GPC6: variants seen among roughly 807,000 people sequenced by gnomAD.
GPC6 encodes glypican-6.
In GPC6, 14 loss-of-function variants were observed where a neutral mutation model predicts 55.2. That is an observed-to-expected ratio of 0.25 (90% CI 0.17 to 0.40). GPC6 has a LOEUF of 0.40. GPC6 is among the 10% of genes least tolerant of loss of function. GPC6 has a pLI of 1.00. For synonymous variants in GPC6, 278 were observed against 259.6 expected (o/e 1.07, Z -0.68); for missense variants, 641 against 708.5 (o/e 0.90, Z 1.08).
chr13:93,512,020 T>C (rs1880999860), intron 1 of GPC6, among the ~76,000 whole-genome samples: 1 of 152,116 alleles, frequency 6.6e-6, no homozygotes, highest in African/African-American at 2.4e-5. Context: ...CAAATTTTTG[T>C]ACATTGCTTT....
chr13:94,082,592 C>G (rs1885138756), intron 4 of GPC6, among the ~76,000 whole-genome samples: 1 of 152,104 alleles, frequency 6.6e-6, no homozygotes, highest in Non-Finnish European at 1.5e-5. Context: ...ACTTCACCAC[C>G]CACCTTCCGC....
intron 5 of GPC6, among the ~76,000 whole-genome samples, chr13:94,289,126 T>C (rs1342563231): frequency 2.0e-5 from 3 of 150,844 alleles, no homozygotes; most frequent in South Asian, 2.1e-4. Flanking sequence ...GCTTGTTGAA[T>C]ACATAATGAA....
chr13:94,271,382 G>GCGCACACACACA (rs1491286473), intron 4 of GPC6, among the ~76,000 whole-genome samples: 4 of 126,684 alleles, frequency 3.2e-5, no homozygotes, highest in African/African-American at 1.2e-4. Context: ...GCGCGCGCGC[G>GCGCACACACACA]CACACACACA....
chr13:93,348,516 G>C (rs139885556), intron 1 of GPC6, among the ~76,000 whole-genome samples: 1 of 152,242 alleles, frequency 6.6e-6, no homozygotes, highest in Non-Finnish European at 1.5e-5. Flanking sequence ...GAGGTTAATT[G>C]TTACCCTGCC....
At position 93,983,997 on chromosome 13, in the gene GPC6, G is replaced by A. The variant is rs1257343643; in HGVS notation, c.712-43732G>A. On this transcript the variant is annotated intron_variant, in intron 3 of 8. Coordinates refer to ENST00000377047, the MANE Select transcript of GPC6 (RefSeq NM_005708.5). ...ATTGAAAAGAAAAAAATGGTAATTT[G>A]CATCATTCTTTTGGAATTTTGAGGA... is the stretch of plus-strand genomic sequence containing the variant. Among the ~76,000 whole-genome samples, 4 of 152,190 alleles carry A rather than the reference G, an allele frequency of 2.6e-5. No homozygotes were observed. In the East Asian group the frequency reaches 7.7e-4, roughly 29 times the overall value.
intron 6 of GPC6, among the ~76,000 whole-genome samples, chr13:94,377,406 A>C (rs1208148468): frequency 7.3e-6 from 1 of 136,676 alleles, no homozygotes; most frequent in African/African-American, 2.7e-5. Flanking sequence ...GACACTTCTC[A>C]AAAGAAGACA....
At chr13:93,888,106 G>C (rs2140315366) in intron 3 of GPC6, among the ~76,000 whole-genome samples, 1 of 152,132 alleles carries the variant, frequency 6.6e-6, no homozygotes, top group Non-Finnish European at 1.5e-5. Flanking sequence ...TCTGTTCTTT[G>C]GTTTTAGGTA....
intron 2 of GPC6, among the ~76,000 whole-genome samples, chr13:93,681,344 T>G (rs138845278): frequency 6.6e-6 from 1 of 152,322 alleles, no homozygotes; most frequent in Non-Finnish European, 1.5e-5. Context: ...TTGTATTACT[T>G]TTGATAATTC....
rs1192568840 is a variant in GPC6, at chr13:93,382,429, C to T, written c.160+154813C>T. Among the ~76,000 whole-genome samples, 4 of 152,254 alleles carry T rather than the reference C, an allele frequency of 2.6e-5. No individual in the cohort carries two copies. The East Asian group carries it at 5.8e-4, about 22-fold the overall frequency. ...CAATCGATTTAATATAATTCTTCAT[C>T]ATAGTTAATGTAGACTTTTTCTCCA... is the stretch of plus-strand genomic sequence containing the variant. On this transcript the variant is annotated intron_variant, in intron 1 of 8. Coordinates refer to ENST00000377047, the MANE Select transcript of GPC6 (RefSeq NM_005708.5).
chr13:94,317,407 G>A (rs536475842), intron 6 of GPC6, among the ~76,000 whole-genome samples: 1 of 152,052 alleles, frequency 6.6e-6, no homozygotes, highest in Non-Finnish European at 1.5e-5. Flanking sequence ...AGAACAAAAG[G>A]GTAAACACAA....
At chr13:93,803,262 C>A (rs1309729592) in intron 2 of GPC6, among the ~76,000 whole-genome samples, 1 of 151,980 alleles carries the variant, frequency 6.6e-6, no homozygotes, top group African/African-American at 2.4e-5. Context: ...AATGAAAAGA[C>A]AACTCTATTG....
At chr13:93,344,280 G>A (rs1462282763) in intron 1 of GPC6, among the ~76,000 whole-genome samples, 1 of 152,170 alleles carries the variant, frequency 6.6e-6, no homozygotes, top group Non-Finnish European at 1.5e-5. Context: ...TTTCCTGCAA[G>A]TGGGCAGGGC....
At chr13:94,027,483 A>G (rs906533315) in intron 3 of GPC6, among the ~76,000 whole-genome samples, 1 of 152,062 alleles carries the variant, frequency 6.6e-6, no homozygotes, top group African/African-American at 2.4e-5. Context: ...TTCTATGGCA[A>G]TGAAACAGTG....
chr13:94,067,356 G>C (rs146743160), intron 4 of GPC6, among the ~76,000 whole-genome samples: 1 of 152,108 alleles, frequency 6.6e-6, no homozygotes, highest in Non-Finnish European at 1.5e-5. Context: ...ATCAAGATAC[G>C]TGAAAGAATT....
chr13:93,330,751 T>C (rs78560397), intron 1 of GPC6, among the ~76,000 whole-genome samples: 4,906 of 152,280 alleles, frequency 0.032, 277 homozygotes, highest in African/African-American at 0.11. Context: ...CAATGAAAAA[T>C]TCTCTTGCAT....
intron 4 of GPC6, among the ~76,000 whole-genome samples, chr13:94,243,469 C>A (rs1158643622): frequency 1.3e-5 from 2 of 152,046 alleles, no homozygotes; most frequent in African/African-American, 4.8e-5. Flanking sequence ...ACTTGAGCCA[C>A]CTTTGACAGG....
chr13:94,385,710 A>G (rs1178614236), intron 7 of GPC6, among the ~76,000 whole-genome samples: 3 of 152,166 alleles, frequency 2.0e-5, no homozygotes, highest in African/African-American at 2.4e-5. Context: ...GATCACCAAT[A>G]AAGACTTGCT....
chr13:93,932,967 T>G (rs1275700576), intron 3 of GPC6, among the ~76,000 whole-genome samples: 2 of 146,030 alleles, frequency 1.4e-5, no homozygotes, highest in African/African-American at 5.0e-5. Flanking sequence ...TTTGTTTTGT[T>G]TTGTTCTTTT....
At chr13:93,351,688 A>G (rs1048744090) in intron 1 of GPC6, among the ~76,000 whole-genome samples, 4 of 152,192 alleles carry the variant, frequency 2.6e-5, no homozygotes, top group African/African-American at 9.7e-5. Context: ...TGGAAATGGC[A>G]CTAAGTACTC....
Sources: gnomAD v4.1 joint callset for allele counts (sites outside exome capture counted in the v4.1 genomes callset) on GRCh38, gnomAD v4.1.1 for gene constraint, MANE v1.5 for transcripts, NCBI Gene and HGNC (gene_info 2026-07-23, HGNC 2026-07-21) for gene names.